The following CPA6 variants were observed in gnomAD, a reference collection of about 807,000 sequenced individuals.
CPA6 encodes the protein carboxypeptidase B.
In CPA6, 58 loss-of-function variants were observed where a neutral mutation model predicts 63.3. That is an observed-to-expected ratio of 0.92 (90% CI 0.74 to 1.14). The LOEUF is 1.14. CPA6 is among the 50% of genes most tolerant of loss of function. The probability of loss-of-function intolerance (pLI) is 0.00; values close to 1 mark genes in which losing one functional copy is unlikely to be tolerated. For synonymous variants in CPA6, 185 were observed against 179.0 expected (o/e 1.03, Z -0.27); for missense variants, 565 against 526.6 (o/e 1.07, Z -0.71).
intron 1 of CPA6, among the ~76,000 whole-genome samples, chr8:67,663,356 C>T (rs192267564): frequency 3.9e-5 from 6 of 152,206 alleles, no homozygotes; most frequent in Admixed American, 3.3e-4. Flanking sequence ...GTAGCAAGCA[C>T]AAACTTTTTT....
Position 67,590,493 on chromosome 8 carries a change from T to G in CPA6, c.192+33683A>C, listed in dbSNP as rs1244233762. 5.9e-5 allele frequency among the ~76,000 whole-genome samples: 9 copies of G among 151,618 alleles called. No individual in the cohort carries two copies. The East Asian group carries it at 1.6e-3, about 26-fold the overall frequency. On this transcript the variant is annotated intron_variant, in intron 2 of 10. Coordinates refer to ENST00000297770, the MANE Select transcript of CPA6 (RefSeq NM_020361.5). ...GACTTCCACAATGGTTGAACTAGTTTACGGTCCCACCAACAGTGTAAAAGT... is the reference window on the plus strand; with the variant it reads ...GACTTCCACAATGGTTGAACTAGTTGACGGTCCCACCAACAGTGTAAAAGT...
At chr8:67,518,188 G>A (rs554979587) in intron 2 of CPA6, 141 bp from the exon 3 acceptor site, 13 of 661,540 alleles carry the variant, frequency 2.0e-5, no homozygotes, top group South Asian at 1.3e-4. Context: ...GCATCATCAG[G>A]GTAAAACTAT....
chr8:67,519,386 C>T (rs1271360731), intron 2 of CPA6, among the ~76,000 whole-genome samples: 1 of 152,222 alleles, frequency 6.6e-6, no homozygotes, highest in Non-Finnish European at 1.5e-5. Flanking sequence ...CATCTCCAGT[C>T]TTGGAGGATG....
Position 67,663,046 on chromosome 8 carries a change from C to A in CPA6, c.117-38795G>T, listed in dbSNP as rs141081046. Among the ~76,000 whole-genome samples the A allele has an allele frequency of 3.7e-4, 56 of 152,268 alleles. No individual in the cohort carries two copies. In the East Asian group the frequency reaches 0.01, roughly 28 times the overall value. On this transcript the variant is annotated intron_variant, in intron 1 of 10. Transcript: ENST00000297770. Reference sequence around the variant, plus strand: ...GTGACAGAGCCCATTTCCTGACAACCCTCCAGAAGACGTCATGGCAATTCC... The same window carrying A: ...GTGACAGAGCCCATTTCCTGACAACACTCCAGAAGACGTCATGGCAATTCC...
intron 1 of CPA6, among the ~76,000 whole-genome samples, chr8:67,740,635 T>C (rs756287277): frequency 1.3e-5 from 2 of 152,206 alleles, no homozygotes; most frequent in Admixed American, 6.5e-5. Context: ...AATGGCATGA[T>C]CTTGGCTCAC....
chr8:67,521,998 C>T (rs563340061), intron 2 of CPA6, among the ~76,000 whole-genome samples: 40 of 152,126 alleles, frequency 2.6e-4, no homozygotes, highest in East Asian at 5.8e-4. Flanking sequence ...GTAGTGATAG[C>T]GGCAGGAGAC....
intron 2 of CPA6, among the ~76,000 whole-genome samples, chr8:67,542,966 T>C (rs1402404551): frequency 6.6e-6 from 1 of 152,218 alleles, no homozygotes; most frequent in East Asian, 1.9e-4. Context: ...GAACCTATAT[T>C]AACCATATCT....
rs772224868 is a variant in CPA6 at position 67,434,249 on chromosome 8, C to T, written c.839-9G>A. The T allele has an allele frequency of 1.9e-6, 3 of 1,611,648 alleles. No individual in the cohort carries two copies. Among genetic ancestry groups the T allele is most frequent in the Admixed American group, 3.3e-5 (2 of 59,982 alleles). The stretch of plus-strand genomic sequence containing the variant: ...CATAGAAGCTCCTTCATCTGCAAGT[C>T]AGAAAAGAAAATGGGGTAAGGAAGT... On this transcript the variant is annotated splice_polypyrimidine_tract_variant and intron_variant, in intron 8 of 10. Transcript: ENST00000297770.
At chr8:67,602,684 AAAATTGGAACACAACTGCTG>A (rs1814526399) in intron 2 of CPA6, among the ~76,000 whole-genome samples, 1 of 152,202 alleles carries the variant, frequency 6.6e-6, no homozygotes, top group African/African-American at 2.4e-5. Context: ...AAATAAAACC[AAAATTGGAACACAACTGCTG>A]AACTTGGAGA....
At chr8:67,699,461 G>A (rs539541446) in intron 1 of CPA6, among the ~76,000 whole-genome samples, 1 of 151,484 alleles carries the variant, frequency 6.6e-6, no homozygotes, top group African/African-American at 2.4e-5. Flanking sequence ...ACAGGAGGGG[G>A]GGATGTTACC....
chr8:67,500,983 A>G (rs935763862), intron 6 of CPA6, among the ~76,000 whole-genome samples: 2 of 152,102 alleles, frequency 1.3e-5, no homozygotes, highest in Admixed American at 1.3e-4. Context: ...ATGTCTTGAA[A>G]TTAGATAGAA....
chr8:67,514,432 T>G (rs571686441), intron 3 of CPA6, among the ~76,000 whole-genome samples: 2 of 152,372 alleles, frequency 1.3e-5, no homozygotes, highest in Non-Finnish European at 2.9e-5. Flanking sequence ...TTATGTATTC[T>G]TGTACAGAGT....
At chr8:67,568,836 C>T (rs963492403) in intron 2 of CPA6, among the ~76,000 whole-genome samples, 5 of 152,130 alleles carry the variant, frequency 3.3e-5, no homozygotes, top group Non-Finnish European at 7.4e-5. Context: ...CTGCAACCTC[C>T]GCCTCCCGGG....
At chr8:67,587,219 T>A (rs1204322381) in intron 2 of CPA6, among the ~76,000 whole-genome samples, 7 of 152,046 alleles carry the variant, frequency 4.6e-5, no homozygotes, top group African/African-American at 1.2e-4. Context: ...GTAATTGTGA[T>A]GGATAGTGCT....
intron 8 of CPA6, among the ~76,000 whole-genome samples, chr8:67,478,921 T>C (rs1811299549): frequency 6.6e-6 from 1 of 152,148 alleles, no homozygotes; most frequent in Non-Finnish European, 1.5e-5. Flanking sequence ...TTTGGGAGGC[T>C]GAGGCAGGAC....
At chr8:67,451,963 T>A (rs1216154438) in intron 8 of CPA6, among the ~76,000 whole-genome samples, 1 of 152,262 alleles carries the variant, frequency 6.6e-6, no homozygotes, top group African/African-American at 2.4e-5. Context: ...AAGTTGTTTG[T>A]GTACATAGGT....
intron 2 of CPA6, among the ~76,000 whole-genome samples, chr8:67,596,457 G>T (rs1425363920): frequency 6.6e-6 from 1 of 151,270 alleles, no homozygotes; most frequent in African/African-American, 2.4e-5. Context: ...CATTCCTATT[G>T]TCCCCTTCCT....
At chr8:67,645,836 A>G (rs1479673016) in intron 1 of CPA6, among the ~76,000 whole-genome samples, 4 of 152,212 alleles carry the variant, frequency 2.6e-5, no homozygotes, top group Non-Finnish European at 5.9e-5. Context: ...GAGGGACATG[A>G]GTAGAGAAGT....
intron 2 of CPA6, among the ~76,000 whole-genome samples, chr8:67,576,740 A>G (rs1564007245): frequency 6.6e-6 from 1 of 152,208 alleles, no homozygotes; most frequent in Non-Finnish European, 1.5e-5. Flanking sequence ...ACTGAGTGCT[A>G]TAGGATGCAT....
Sources: allele counts gnomAD v4.1 joint callset (sites outside exome capture counted in the v4.1 genomes callset), GRCh38; gene constraint gnomAD v4.1.1; transcripts MANE v1.5; gene names NCBI Gene and HGNC (gene_info 2026-07-23, HGNC 2026-07-21).